EEF2KMT: variants seen among roughly 807,000 people sequenced by gnomAD.
EEF2KMT encodes the protein eukaryotic elongation factor 2 lysine methyltransferase, also known as protein-lysine N-methyltransferase EEF2KMT.
Under a neutral mutation model 35.1 loss-of-function variants are expected in EEF2KMT, and 30 were observed. That is an observed-to-expected ratio of 0.85 (90% CI 0.64 to 1.16). EEF2KMT has a LOEUF of 1.16. Among genes scored for constraint, EEF2KMT ranks in the 50% most tolerant of loss-of-function variants. The probability of loss-of-function intolerance (pLI) is 0.00; values close to 1 mark genes in which losing one functional copy is unlikely to be tolerated. For missense variants in EEF2KMT, 499 were observed against 438.2 expected (o/e 1.14, Z -1.24); for synonymous variants, 190 against 187.7 (o/e 1.01, Z -0.10).
chr16:5,085,276 G>A lies in EEF2KMT; in HGVS notation c.*356C>T. 1 of 492,664 alleles carries A rather than the reference G, an allele frequency of 2.0e-6. No individual in the cohort carries two copies. The highest frequency in any genetic ancestry group is 2.1e-5 in the South Asian group (1 of 46,768). 30.5% of individuals were successfully genotyped at this position (492,664 alleles called of 1,614,324 possible). On this transcript the variant is annotated 3_prime_UTR_variant, in exon 8 of 8. Coordinates refer to ENST00000427587, the MANE Select transcript of EEF2KMT (RefSeq NM_201400.4). ...CCTGCTGCACCGTAAGCCCAGGGAT[G>A]TGGCAGCTGCAGTGGGCTTGGCTTT...
At chr16:5,089,416 GA>G in intron 6 of EEF2KMT, 160 bp from the exon 7 acceptor site, 1 of 965,822 alleles carries the variant, frequency 1.0e-6, no homozygotes, top group Non-Finnish European at 1.5e-6. Flanking sequence ...TTACTTGGGT[GA>G]AAAAGGAGAA....
At chr16:5,092,279 T>C (rs1003192978) in intron 3 of EEF2KMT, among the ~76,000 whole-genome samples, 14 of 152,166 alleles carry the variant, frequency 9.2e-5, no homozygotes, top group African/African-American at 2.6e-4. Context: ...GTGACCATGA[T>C]AGAGAGCCGT....
At chr16:5,089,409 C>G (rs969986512) in intron 6 of EEF2KMT, 153 bp from the exon 7 acceptor site, 1 of 1,073,126 alleles carries the variant, frequency 9.3e-7, no homozygotes, top group African/African-American at 1.6e-5. Flanking sequence ...AAGGCAATTA[C>G]TTGGGTGAAA....
intron 3 of EEF2KMT, among the ~76,000 whole-genome samples, chr16:5,092,636 A>C (rs1408051143): frequency 1.3e-5 from 2 of 152,208 alleles, no homozygotes; most frequent in South Asian, 2.1e-4. Context: ...CGACATCCTC[A>C]TGTCAAACCC....
Position 5,089,200 on chromosome 16 carries a change from C to G in EEF2KMT, c.799G>C (p.Ala267Pro). 3 of 1,610,562 alleles carry G rather than the reference C, an allele frequency of 1.9e-6. No individual in the cohort carries two copies. The highest frequency in any genetic ancestry group is 2.5e-6 in the Non-Finnish European group (3 of 1,179,830). Residue 267 changes from alanine to proline, a missense_variant, in exon 7 of 8, where the codon GCT becomes CCT. Physicochemically the swap from Ala to Pro is conservative, Grantham distance 27. Transcript: ENST00000427587. ...GCCCGCTGGTGCTCCCGGCAGGCAG[C>G]CAGCCTCCGCAGGACCCCGACCAGC... ...MSLVGVLRRLAACREHQRAPE... is the reference protein window; with the variant it reads ...MSLVGVLRRLPACREHQRAPE...
intron 6 of EEF2KMT, 98 bp downstream of exon 6, chr16:5,089,986 A>C (rs1167546835): frequency 1.3e-6 from 2 of 1,542,308 alleles, no homozygotes; most frequent in Non-Finnish European, 1.7e-6. Flanking sequence ...CATCATGTCC[A>C]TGCCCGACAG....
rs746870637 is a variant in EEF2KMT, at chr16:5,090,255, T to C, written c.571A>G (p.Ser191Gly). The part of the protein sequence containing the change: ...PRAYIFSDCH[S>G]RVLEQLRGNV... ...CCTCGGAGCTGCTCAAGGACCCGGC[T>C]GTGACAGTCGCTGAAGATGTATGCC... Residue 191 changes from serine to glycine, a missense_variant, in exon 6 of 8, where the codon AGC (serine) becomes GGC (glycine). Coordinates refer to ENST00000427587, the MANE Select transcript of EEF2KMT (RefSeq NM_201400.4). This position sits in a 1 kb window ranked among gnomAD's most constrained non-coding sequence, Gnocchi z 4.1. 3.7e-6 allele frequency: 6 copies of C among 1,611,944 alleles called. No homozygotes were observed. In the East Asian group the frequency reaches 1.3e-4, roughly 36 times the overall value.
intron 7 of EEF2KMT, chr16:5,087,493 T>G (rs1391126639): frequency 6.6e-6 from 1 of 152,168 alleles, no homozygotes; most frequent in East Asian, 1.9e-4. Context: ...TGGGTGATTA[T>G]TATTAGTTTT....
intron 7 of EEF2KMT, 148 bp downstream of exon 7, chr16:5,088,959 G>A (rs574105732): frequency 1.3e-6 from 2 of 1,545,334 alleles, no homozygotes; most frequent in Middle Eastern, 2.3e-4. Context: ...AGCCCACCCT[G>A]CTCACTGGCC....
chr16:5,097,600 C>G, intron 1 of EEF2KMT, 44 bp downstream of exon 1: 1 of 1,529,992 alleles, frequency 6.5e-7, no homozygotes, highest in Non-Finnish European at 8.7e-7. Context: ...TGCCCCTGGA[C>G]TCCCGCGAGC....
intron 7 of EEF2KMT, among the ~76,000 whole-genome samples, chr16:5,087,832 G>T (rs181691170): frequency 0.041 from 6,042 of 148,776 alleles, 166 homozygotes; most frequent in Admixed American, 0.074. Flanking sequence ...GGTGGGTGGG[G>T]GCTTATACTA....
At chr16:5,087,112 C>G (rs191500789) in intron 7 of EEF2KMT, 16 of 152,272 alleles carry the variant, frequency 1.1e-4, no homozygotes, top group African/African-American at 3.6e-4. Flanking sequence ...ATGTGTATAT[C>G]AGGGATGTCC....
chr16:5,089,506 G>T, intron 6 of EEF2KMT: 1 of 596,354 alleles, frequency 1.7e-6, no homozygotes, highest in Non-Finnish European at 2.9e-6. Flanking sequence ...TAAAAAACCA[G>T]CTCTGGTTCT....
At chr16:5,089,593 T>G (rs1957296713) in intron 6 of EEF2KMT, among the ~76,000 whole-genome samples, 1 of 152,202 alleles carries the variant, frequency 6.6e-6, no homozygotes, top group African/African-American at 2.4e-5. Flanking sequence ...TCTGCTGATT[T>G]GTCTGCTGGC....
chr16:5,084,502 A>G lies in EEF2KMT; in HGVS notation c.*1130T>C, dbSNP rs1957079893. The G allele has an allele frequency of 9.4e-6, 6 of 637,190 alleles. No homozygotes were observed. The highest frequency in any genetic ancestry group is 3.6e-5 in the African/African-American group (2 of 54,974). 39.5% of individuals were successfully genotyped at this position (637,190 alleles called of 1,614,324 possible). A position where few individuals can be genotyped will look rare whatever the true frequency, so the allele number is the denominator to read the frequency against. ...GCTCACAGGGGAATGGGCAGCACGT[A>G]GAGGCCGGGAGGTGCTCCAGGGCAC... On this transcript the variant is annotated 3_prime_UTR_variant, in exon 8 of 8. Transcript: ENST00000427587.
At chr16:5,096,797 T>G (rs139001885) in intron 1 of EEF2KMT, among the ~76,000 whole-genome samples, 1,589 of 152,360 alleles carry the variant, frequency 0.01, 91 homozygotes, top group Admixed American at 0.092. Context: ...AGCGTGGGCA[T>G]GTGAACAATT....
chr16:5,097,400 C>T (rs190115288), intron 1 of EEF2KMT: 3 of 1,463,260 alleles, frequency 2.1e-6, no homozygotes, highest in Admixed American at 4.5e-5. Context: ...CCACACCGAG[C>T]GCGCGTCTGC....
intron 2 of EEF2KMT, among the ~76,000 whole-genome samples, chr16:5,094,407 C>A (rs1365911072): frequency 1.3e-5 from 2 of 152,166 alleles, no homozygotes; most frequent in Non-Finnish European, 2.9e-5. Context: ...GGACTATAGG[C>A]ATGTACCACC....
intron 3 of EEF2KMT, 130 bp from the exon 4 acceptor site, chr16:5,092,025 A>G (rs1957350606): frequency 6.6e-7 from 1 of 1,511,558 alleles, no homozygotes; most frequent in African/African-American, 1.4e-5. Flanking sequence ...GCCATATAAA[A>G]TATTCACTTC....
Sources: allele counts gnomAD v4.1 joint callset (sites outside exome capture counted in the v4.1 genomes callset), GRCh38; gene constraint gnomAD v4.1.1; non-coding constraint Gnocchi (gnomAD v3.1); transcripts MANE v1.5; gene names NCBI Gene and HGNC (gene_info 2026-07-23, HGNC 2026-07-21).